The following MAPRE2 variants were observed in gnomAD, a reference collection of about 807,000 sequenced individuals.
The protein encoded by MAPRE2 is microtubule-associated protein RP/EB family member 2.
MAPRE2 carries 13 observed loss-of-function variants against 43.2 expected under a neutral mutation model. That is an observed-to-expected ratio of 0.30 (90% CI 0.20 to 0.48). The LOEUF is 0.48. Among genes scored for constraint, MAPRE2 ranks in the 20% least tolerant of loss-of-function variants. The pLI, the probability that MAPRE2 is intolerant of heterozygous loss-of-function variation, is 0.99. For synonymous variants in MAPRE2, 135 were observed against 148.8 expected (o/e 0.91, Z 0.68); for missense variants, 161 against 400.2 (o/e 0.40, Z 5.10).
Position 35,062,559 on chromosome 18 carries a change from C to T in MAPRE2, c.123-7636C>T, listed in dbSNP as rs763612127. ...TCCTAAAACCTTTAACCAGGAACAA[C>T]TCTGTGAAATGAGAACTGACAGTGT... On this transcript the variant is annotated intron_variant, in intron 1 of 6. Coordinates refer to ENST00000300249, the MANE Select transcript of MAPRE2 (RefSeq NM_014268.4). Among the ~76,000 whole-genome samples the T allele has an allele frequency of 4.1e-4, 63 of 152,212 alleles. 1 individual carries two copies. Among genetic ancestry groups the T allele is most frequent in the Non-Finnish European group, 1.9e-4 (13 of 68,034 alleles).
Position 35,142,727 on chromosome 18 carries a change from A to ATCTT in MAPRE2, c.*2360_*2363dup, listed in dbSNP as rs1910713520. ...GATGGTGTCTCAGATGCTTTGGGGA[A>ATCTT]TCTTTAACAGCTGAATTTGAGTCAG... On this transcript the variant is annotated 3_prime_UTR_variant, in exon 7 of 7. Coordinates refer to ENST00000300249, the MANE Select transcript of MAPRE2 (RefSeq NM_014268.4). The ATCTT allele has an allele frequency of 6.6e-6, 1 of 152,194 alleles. No homozygotes were observed. Among genetic ancestry groups the ATCTT allele is most frequent in the South Asian group, 2.1e-4 (1 of 4,820 alleles). The allele number at this position is 152,194 out of a possible 1,614,324, so 9.4% of individuals were successfully genotyped here. A position where few individuals can be genotyped will look rare whatever the true frequency, so the allele number is the denominator to read the frequency against.
chr18:35,070,144 T>C, intron 1 of MAPRE2, 51 bp from the exon 2 acceptor site: 2 of 1,528,598 alleles, frequency 1.3e-6, no homozygotes, highest in Non-Finnish European at 1.8e-6. Context: ...GTATCTTTTG[T>C]GTTTCTGAGT....
chr18:35,024,178 T>A (rs1241128737), intron 2 of MAPRE2, among the ~76,000 whole-genome samples: 2 of 152,224 alleles, frequency 1.3e-5, no homozygotes, highest in Non-Finnish European at 2.9e-5. Context: ...TGCCCAAGTG[T>A]TATTGCATTA....
At chr18:35,120,726 CT>C (rs376749764) in intron 4 of MAPRE2, among the ~76,000 whole-genome samples, 25 of 148,800 alleles carry the variant, frequency 1.7e-4, no homozygotes, top group South Asian at 4.2e-4. Flanking sequence ...AATGACATTA[CT>C]TTTTTTTTTA....
At chr18:35,139,566 CAT>C (rs1268237769) in intron 6 of MAPRE2, among the ~76,000 whole-genome samples, 1 of 152,170 alleles carries the variant, frequency 6.6e-6, no homozygotes, top group African/African-American at 2.4e-5. Context: ...AGTTGATAAA[CAT>C]AACGTAAGCC....
At chr18:35,118,258 T>C (rs1466437600) in intron 4 of MAPRE2, among the ~76,000 whole-genome samples, 1 of 152,110 alleles carries the variant, frequency 6.6e-6, no homozygotes, top group Non-Finnish European at 1.5e-5. Flanking sequence ...TCGTATGCTC[T>C]CCCAGGGGCA....
At chr18:34,987,970 T>C (rs1329912114) in intron 1 of MAPRE2, among the ~76,000 whole-genome samples, 2 of 152,182 alleles carry the variant, frequency 1.3e-5, no homozygotes, top group African/African-American at 4.8e-5. Context: ...AAAGACCTCA[T>C]GGAATAAATG....
intron 2 of MAPRE2, among the ~76,000 whole-genome samples, chr18:35,019,421 T>G (rs772631498): frequency 6.6e-6 from 1 of 152,010 alleles, no homozygotes; most frequent in Non-Finnish European, 1.5e-5. Context: ...AGATGTCTAT[T>G]AGGTCCAAGT....
At chr18:35,013,422 A>T (rs957536774) in intron 2 of MAPRE2, among the ~76,000 whole-genome samples, 6 of 152,196 alleles carry the variant, frequency 3.9e-5, no homozygotes, top group African/African-American at 1.4e-4. Flanking sequence ...GTACATATTC[A>T]TGGGGTACAT....
At chr18:35,054,663 G>C (rs1010900689) in intron 1 of MAPRE2, among the ~76,000 whole-genome samples, 5 of 152,144 alleles carry the variant, frequency 3.3e-5, no homozygotes, top group Non-Finnish European at 7.4e-5. Context: ...CTTAGTTTAC[G>C]ATGGCCAAGG....
chr18:35,036,745 T>C (rs971267648), upstream of MAPRE2, among the ~76,000 whole-genome samples: 11 of 152,238 alleles, frequency 7.2e-5, no homozygotes, highest in Non-Finnish European at 8.8e-5. Flanking sequence ...TTGAGCTTAA[T>C]GTTTTCTCAT....
chr18:34,989,330 C>A (rs2097022571), intron 1 of MAPRE2, among the ~76,000 whole-genome samples: 1 of 152,122 alleles, frequency 6.6e-6, no homozygotes, highest in South Asian at 2.1e-4. Flanking sequence ...GGGGTCTTTG[C>A]CTGTGCCTTC....
chr18:35,080,929 C>T (rs933509925), intron 2 of MAPRE2, among the ~76,000 whole-genome samples: 1 of 152,072 alleles, frequency 6.6e-6, no homozygotes, highest in Admixed American at 6.6e-5. Flanking sequence ...TACTCATAAG[C>T]TTTTTATGAC....
rs988208490 is a variant in MAPRE2 at position 35,057,774 on chromosome 18, T to C, written c.123-12421T>C. On this transcript the variant is annotated intron_variant, in intron 1 of 6. Coordinates refer to ENST00000300249, the MANE Select transcript of MAPRE2 (RefSeq NM_014268.4). The stretch of plus-strand genomic sequence containing the variant: ...TTTTAAGAAGATACAGGGAAATCCA[T>C]TCTCTGGCTGAAATGAGAGAATCAT... Among the ~76,000 whole-genome samples, 6 of 152,154 alleles carry C rather than the reference T, an allele frequency of 3.9e-5. No homozygotes were observed. The South Asian group carries it at 1.0e-3, about 26-fold the overall frequency.
At chr18:35,039,430 A>C (rs2097052378), upstream of MAPRE2, among the ~76,000 whole-genome samples, 1 of 152,228 alleles carries the variant, frequency 6.6e-6, no homozygotes, top group African/African-American at 2.4e-5. Context: ...TGTACCTTGT[A>C]AGTCTTAGGT....
chr18:34,986,983 A>G (rs562352755), intron 1 of MAPRE2, among the ~76,000 whole-genome samples: 2 of 152,324 alleles, frequency 1.3e-5, no homozygotes, highest in Admixed American at 6.5e-5. Context: ...CTGAGGTTAT[A>G]TTTATGAGAT....
intron 4 of MAPRE2, among the ~76,000 whole-genome samples, chr18:35,115,591 A>T (rs113926003): frequency 5.1e-4 from 77 of 151,982 alleles, no homozygotes; most frequent in African/African-American, 1.5e-3. Context: ...CTCATAGCTT[A>T]GCTCCCACTT....
chr18:35,105,740 A>G (rs1033121739), intron 4 of MAPRE2, among the ~76,000 whole-genome samples: 23 of 152,052 alleles, frequency 1.5e-4, no homozygotes, highest in Non-Finnish European at 3.1e-4. Flanking sequence ...TACAGGTATC[A>G]ATAGAAAGTA....
upstream of MAPRE2, among the ~76,000 whole-genome samples, chr18:35,040,195 T>G (rs565068688): frequency 6.6e-6 from 1 of 152,262 alleles, no homozygotes; most frequent in East Asian, 1.9e-4. Context: ...AGAGCGAGAC[T>G]CTGCCTCTAA....
Sources: allele counts gnomAD v4.1 joint callset (sites outside exome capture counted in the v4.1 genomes callset), GRCh38; gene constraint gnomAD v4.1.1; transcripts MANE v1.5; gene names NCBI Gene and HGNC (gene_info 2026-07-23, HGNC 2026-07-21).